The following MLLT3 variants were observed in gnomAD, a reference collection of about 807,000 sequenced individuals.
MLLT3 encodes the protein MLLT3 super elongation complex subunit.
Under a neutral mutation model 53.2 loss-of-function variants are expected in MLLT3, and 4 were observed. That is an observed-to-expected ratio of 0.08 (90% CI 0.04 to 0.17). MLLT3 has a LOEUF of 0.17. MLLT3 is among the 10% of genes least tolerant of loss of function. The pLI is 1.00. For synonymous variants in MLLT3, 283 were observed against 230.6 expected, an observed-to-expected ratio of 1.23 and a Z score of -2.06; for missense variants, 569 against 684.0, an observed-to-expected ratio of 0.83 and a Z score of 1.87.
At chr9:20,588,524 G>T (rs1002844431) in intron 2 of MLLT3, among the ~76,000 whole-genome samples, 1 of 152,130 alleles carries the variant, frequency 6.6e-6, no homozygotes, top group African/African-American at 2.4e-5. Context: ...TCCTTGAGCA[G>T]CGGTTTGTAG....
chr9:20,387,852 T>C (rs1822080387), intron 5 of MLLT3, among the ~76,000 whole-genome samples: 1 of 152,198 alleles, frequency 6.6e-6, no homozygotes, highest in Non-Finnish European at 1.5e-5. Context: ...ATGCAACTCA[T>C]TGTTTCAAAA....
intron 2 of MLLT3, among the ~76,000 whole-genome samples, chr9:20,525,880 C>T (rs1320826605): frequency 1.3e-5 from 2 of 152,108 alleles, no homozygotes; most frequent in East Asian, 3.9e-4. Flanking sequence ...TTGTGACATT[C>T]TTTAAGAATT....
chr9:20,575,542 T>G (rs1819631947), intron 2 of MLLT3, among the ~76,000 whole-genome samples: 1 of 152,236 alleles, frequency 6.6e-6, no homozygotes, highest in Admixed American at 6.5e-5. Flanking sequence ...AATTACTCCC[T>G]GACCCACAGA....
chr9:20,427,088 G>A (rs66699446), intron 4 of MLLT3, among the ~76,000 whole-genome samples: 35,528 of 151,880 alleles, frequency 0.23, 7,783 homozygotes, highest in East Asian at 0.67. Flanking sequence ...ACGAATTCGC[G>A]ATTTAAAAAT....
At chr9:20,443,626 A>G (rs186665838) in intron 4 of MLLT3, among the ~76,000 whole-genome samples, 46 of 152,324 alleles carry the variant, frequency 3.0e-4, no homozygotes, top group Non-Finnish European at 5.1e-4. Context: ...GGTGGTAAAC[A>G]TGTTTTCCTG....
intron 2 of MLLT3, among the ~76,000 whole-genome samples, chr9:20,508,902 A>G (rs1300092605): frequency 2.6e-5 from 4 of 152,190 alleles, no homozygotes; most frequent in Admixed American, 2.0e-4. Context: ...ACTCATAACC[A>G]AAAGAATATG....
At chr9:20,605,677 C>A (rs1388280426) in intron 2 of MLLT3, among the ~76,000 whole-genome samples, 8 of 151,944 alleles carry the variant, frequency 5.3e-5, no homozygotes, top group Admixed American at 5.3e-4. Flanking sequence ...TTTACTTCCA[C>A]AAAGGTTTGG....
chr9:20,425,833 C>T (rs1005436183), intron 4 of MLLT3, among the ~76,000 whole-genome samples: 2 of 151,844 alleles, frequency 1.3e-5, no homozygotes, highest in African/African-American at 4.8e-5. Flanking sequence ...TTTTCATTTG[C>T]CCAGCCTTTT....
At chr9:20,363,120 C>A (rs565475837) in intron 7 of MLLT3, 6 of 175,298 alleles carry the variant, frequency 3.4e-5, no homozygotes, top group Non-Finnish European at 6.0e-5. Flanking sequence ...ACAGCAAACA[C>A]ATTTCTTCAA....
chr9:20,357,868 C>T (rs901889162), intron 8 of MLLT3, among the ~76,000 whole-genome samples: 1 of 151,980 alleles, frequency 6.6e-6, no homozygotes, highest in African/African-American at 2.4e-5. Context: ...GTTCCCATTT[C>T]GGAGTTAGTC....
chr9:20,480,525 G>T (rs1299505776), intron 2 of MLLT3, among the ~76,000 whole-genome samples: 4 of 152,200 alleles, frequency 2.6e-5, no homozygotes, highest in African/African-American at 9.6e-5. Flanking sequence ...GAGCCAGCCT[G>T]CTGTTGACCT....
intron 2 of MLLT3, among the ~76,000 whole-genome samples, chr9:20,520,031 G>C (rs1818019821): frequency 6.6e-6 from 1 of 152,130 alleles, no homozygotes; most frequent in Non-Finnish European, 1.5e-5. Context: ...AAACGAATGA[G>C]ATCATGTCCT....
chr9:20,371,035 C>G (rs1821585480), intron 5 of MLLT3, among the ~76,000 whole-genome samples: 1 of 152,144 alleles, frequency 6.6e-6, no homozygotes, highest in South Asian at 2.1e-4. Context: ...TTGTAGTGGT[C>G]TGGATATAAG....
intron 2 of MLLT3, among the ~76,000 whole-genome samples, chr9:20,605,490 A>G (rs1193896219): frequency 1.3e-5 from 2 of 152,124 alleles, no homozygotes; most frequent in African/African-American, 2.4e-5. Context: ...GTTAATAACC[A>G]CGGGTTCATA....
In MLLT3 at chr9:20,448,591, G is replaced by T. The variant is rs557324062; in HGVS notation, c.277-325C>A. Among the ~76,000 whole-genome samples, 1 of 152,010 alleles carries T rather than the reference G, an allele frequency of 6.6e-6. No homozygotes were observed. The highest frequency in any genetic ancestry group is 2.4e-5 in the African/African-American group (1 of 41,458). ...ACATTCCTTCCTCTTCCCCACCCCA[G>T]TACACTCACCATCAAAGGCTGCCAT... On this transcript the variant is annotated intron_variant, in intron 3 of 10. Transcript: ENST00000380338. This position sits in a 1 kb window ranked among gnomAD's most constrained non-coding sequence, Gnocchi z 4.0.
At position 20,345,244 on chromosome 9, in the gene MLLT3, A is replaced by G. The variant is rs1196663048; in HGVS notation, c.*1199T>C. 1.4e-5 allele frequency: 3 copies of G among 220,274 alleles called. No individual in the cohort carries two copies. The highest frequency in any genetic ancestry group is 2.7e-5 in the Non-Finnish European group (3 of 109,896). The allele number at this position is 220,274 out of a possible 1,614,324, so 13.6% of individuals were successfully genotyped here. A position where few individuals can be genotyped will look rare whatever the true frequency, so the allele number is the denominator to read the frequency against. On this transcript the variant is annotated 3_prime_UTR_variant, in exon 11 of 11. Transcript: ENST00000380338. ...AAACAGGTATTGAACCACTGAATCTACAAGTTAATACATAATCTGTTATGG... is the reference window on the plus strand; with the variant it reads ...AAACAGGTATTGAACCACTGAATCTGCAAGTTAATACATAATCTGTTATGG...
At chr9:20,417,920 A>G (rs956795507) in intron 4 of MLLT3, among the ~76,000 whole-genome samples, 9 of 152,304 alleles carry the variant, frequency 5.9e-5, no homozygotes, top group African/African-American at 1.9e-4. Context: ...TTTAAGAACC[A>G]CTGACAACTC....
intron 5 of MLLT3, among the ~76,000 whole-genome samples, chr9:20,388,317 G>A (rs1049935479): frequency 1.3e-5 from 2 of 152,110 alleles, no homozygotes; most frequent in Admixed American, 6.5e-5. Context: ...GGCCGGGTGC[G>A]GTGGCTCAGG....
At position 20,620,563 on chromosome 9, in the gene MLLT3, G is replaced by C. The variant is rs956989980; in HGVS notation, c.193+91C>G. ...AGGCTACGCCGGCGAGCGCGGCGCGGGGGGCGGGGAGCGGGACAGCGGGAC... is the reference window on the plus strand; with the variant it reads ...AGGCTACGCCGGCGAGCGCGGCGCGCGGGGCGGGGAGCGGGACAGCGGGAC... On this transcript the variant is annotated intron_variant, in intron 2 of 10. Coordinates refer to ENST00000380338, the MANE Select transcript of MLLT3 (RefSeq NM_004529.4). The surrounding 1 kb of genome is among the most constrained non-coding windows in gnomAD (Gnocchi z 6.1). The C allele has an allele frequency of 8.5e-7, 1 of 1,177,654 alleles. No homozygotes were observed. The highest frequency in any genetic ancestry group is 1.1e-6 in the Non-Finnish European group (1 of 887,346). 73.0% of individuals were successfully genotyped at this position (1,177,654 alleles called of 1,614,324 possible). A position where few individuals can be genotyped will look rare whatever the true frequency, so the allele number is the denominator to read the frequency against.
Sources: gnomAD v4.1 joint callset for allele counts (sites outside exome capture counted in the v4.1 genomes callset) on GRCh38, gnomAD v4.1.1 for gene constraint, Gnocchi (gnomAD v3.1) non-coding constraint, MANE v1.5 for transcripts, NCBI Gene and HGNC (gene_info 2026-07-23, HGNC 2026-07-21) for gene names.